The following IKBKB variants were observed in gnomAD, a reference collection of about 807,000 sequenced individuals.
The protein encoded by IKBKB is inhibitor of nuclear factor kappa-B kinase subunit beta.
In IKBKB, 42 loss-of-function variants were observed where a neutral mutation model predicts 113.6. The observed-to-expected ratio is 0.37, with a 90% CI of 0.29 to 0.48. IKBKB has a LOEUF of 0.48. Among genes scored for constraint, IKBKB ranks in the 20% least tolerant of loss-of-function variants. The pLI, the probability that IKBKB is intolerant of heterozygous loss-of-function variation, is 0.99. For synonymous variants in IKBKB, 296 were observed against 361.3 expected, an observed-to-expected ratio of 0.82 and a Z score of 2.05; for missense variants, 673 against 939.7, an observed-to-expected ratio of 0.72 and a Z score of 3.71.
chr8:42,284,311 A>G (rs1022177850), intron 2 of IKBKB, among the ~76,000 whole-genome samples: 2 of 152,160 alleles, frequency 1.3e-5, no homozygotes, highest in Admixed American at 1.3e-4. Context: ...GTCCTGGCGC[A>G]GTGGCTCACA....
Position 42,326,058 on chromosome 8 carries a change from C to T in IKBKB, c.2075C>T (p.Ser692Phe). 8 of 1,614,234 alleles carry T rather than the reference C, an allele frequency of 5.0e-6. No homozygotes were observed. The highest frequency in any genetic ancestry group is 6.8e-6 in the Non-Finnish European group (8 of 1,180,038). Residue 692 changes from serine (S) to phenylalanine (F), a missense_variant, in exon 20 of 22, where the codon TCC becomes TTC. This residue lies in a region of IKBKB where 506 missense variants were observed against 638.7 expected (regional missense o/e 0.79). Coordinates refer to ENST00000520810, the MANE Select transcript of IKBKB (RefSeq NM_001556.3). ...CCTGGGCAGCTGATGTCTCAGCCCTCCACGGCCTCCAACAGCTTACCTGAG... is the reference window on the plus strand; with the variant it reads ...CCTGGGCAGCTGATGTCTCAGCCCTTCACGGCCTCCAACAGCTTACCTGAG... ...SQPGQLMSQP[S>F]TASNSLPEPA...
rs1818222921 is a variant in IKBKB, at chr8:42,314,098, A to G, written c.693-224A>G. 3 of 537,390 alleles carry G rather than the reference A, an allele frequency of 5.6e-6. No homozygotes were observed. In the South Asian group the frequency reaches 6.6e-5, roughly 12 times the overall value. The allele number at this position is 537,390 out of a possible 1,614,324, so 33.3% of individuals were successfully genotyped here. On this transcript the variant is annotated intron_variant, in intron 8 of 21. Transcript: ENST00000520810. ...ATGTTTAGATACACCAATACTTACC[A>G]TTGTGTTACCCTGGCCTACAGTATT...
At position 42,327,458 on chromosome 8, in the gene IKBKB, C is replaced by T. The variant is rs552096820; in HGVS notation, c.2114+1361C>T. On this transcript the variant is annotated intron_variant, in intron 20 of 21. Transcript: ENST00000520810. ...AAGTGATTCTTCTGCCTCAGCCTCC[C>T]GAGTAGCTGGGACTACAGGTGCATG... is the stretch of plus-strand genomic sequence containing the variant. Among the ~76,000 whole-genome samples, 11 of 151,628 alleles carry T rather than the reference C, an allele frequency of 7.3e-5. No homozygotes were observed. In the East Asian group the frequency reaches 1.9e-3, roughly 27 times the overall value.
rs1446069169 is a variant in IKBKB, at chr8:42,322,141, A to C, written c.1826A>C (p.Tyr609Ser). Residue 609 changes from tyrosine (Y) to serine (S), a missense_variant, in exon 18 of 22, where the codon TAT becomes TCT. Transcript: ENST00000520810. ...TTCGAGAAGAAAGTGCGAGTGATCT[A>C]TACGCAGCTCAGGTATGAGCCCCGA... ...QSFEKKVRVI[Y>S]TQLSKTVVCK... 3.1e-6 allele frequency: 5 copies of C among 1,613,588 alleles called. No homozygotes were observed. In the South Asian group the frequency reaches 5.5e-5, roughly 18 times the overall value.
At chr8:42,277,923 A>G (rs999901504) in intron 2 of IKBKB, among the ~76,000 whole-genome samples, 3 of 152,242 alleles carry the variant, frequency 2.0e-5, no homozygotes, top group African/African-American at 4.8e-5. Context: ...ACAAATATTT[A>G]TCGAATGTCT....
chr8:42,306,225 G>A, intron 6 of IKBKB, 118 bp from the exon 7 acceptor site: 1 of 654,994 alleles, frequency 1.5e-6, no homozygotes, highest in East Asian at 2.9e-5. Context: ...AGGAGTTTGG[G>A]ATCTAATAGT....
chr8:42,315,484 G>T (rs960162982), intron 9 of IKBKB, among the ~76,000 whole-genome samples: 2 of 152,164 alleles, frequency 1.3e-5, no homozygotes, highest in African/African-American at 2.4e-5. Context: ...CCTCAGGGAA[G>T]GGTTTGAGTG....
intron 15 of IKBKB, 200 bp downstream of exon 15, chr8:42,319,846 G>A (rs1025020152): frequency 2.9e-5 from 16 of 545,952 alleles, no homozygotes; most frequent in Non-Finnish European, 4.5e-5. Flanking sequence ...CCAGATGCAA[G>A]AGCTGCATGA....
At position 42,320,910 on chromosome 8, in the gene IKBKB, T is replaced by C; in HGVS notation, c.1688+66T>C. ...CAGACAGCCCTGGAGCTTCGGTGTG[T>C]GTGTCAAGGGCACCCTCAGTGGCTG... On this transcript the variant is annotated intron_variant, in intron 16 of 21. Transcript: ENST00000520810. The C allele has an allele frequency of 2.9e-6, 3 of 1,026,296 alleles. No homozygotes were observed. The South Asian group carries it at 4.7e-5, about 16-fold the overall frequency. 63.6% of individuals were successfully genotyped at this position (1,026,296 alleles called of 1,614,324 possible).
At position 42,310,387 on chromosome 8, in the gene IKBKB, C is replaced by T. The variant is rs375962380; in HGVS notation, c.692+1362C>T. On this transcript the variant is annotated intron_variant, in intron 8 of 21. Transcript: ENST00000520810. ...TCTTCCAAGAATGTTTTCATATCTTCCAAGGTGTTCGTATCTTCCAGGGGT... is the reference window on the plus strand; with the variant it reads ...TCTTCCAAGAATGTTTTCATATCTTTCAAGGTGTTCGTATCTTCCAGGGGT... Among the ~76,000 whole-genome samples the T allele has an allele frequency of 6.6e-5, 10 of 152,282 alleles. No individual in the cohort carries two copies. In the East Asian group the frequency reaches 1.7e-3, roughly 26 times the overall value.
intron 16 of IKBKB, 68 bp from the exon 17 acceptor site, chr8:42,321,828 A>G (rs1455202644): frequency 8.4e-7 from 1 of 1,188,326 alleles, no homozygotes; most frequent in Non-Finnish European, 1.2e-6. Flanking sequence ...CTCTACCTCT[A>G]CCAAAAAAAT....
intron 2 of IKBKB, among the ~76,000 whole-genome samples, chr8:42,283,936 G>A (rs986439566): frequency 6.6e-6 from 1 of 152,172 alleles, no homozygotes. Flanking sequence ...GGTGGATGGA[G>A]GTGGATAGAT....
In IKBKB at chr8:42,316,675, A is replaced by G. The variant is rs1405874891; in HGVS notation, c.931-35A>G. 3.2e-6 allele frequency: 5 copies of G among 1,581,978 alleles called. No homozygotes were observed. Among genetic ancestry groups the G allele is most frequent in the East Asian group, 2.2e-5 (1 of 44,462 alleles). On this transcript the variant is annotated intron_variant, in intron 10 of 21. Coordinates refer to ENST00000520810, the MANE Select transcript of IKBKB (RefSeq NM_001556.3). This position sits in a 1 kb window ranked among gnomAD's most constrained non-coding sequence, Gnocchi z 4.5. Reference sequence around the variant, plus strand: ...AATAGATGGGCATTTCCTTGAAGAAATCGGTTTTCCAGTAACATCTGGGTT... The same window carrying G: ...AATAGATGGGCATTTCCTTGAAGAAGTCGGTTTTCCAGTAACATCTGGGTT...
At position 42,271,360 on chromosome 8, in the gene IKBKB, C is replaced by G. The variant is rs1441403251; in HGVS notation, c.-128C>G. On this transcript the variant is annotated 5_prime_UTR_variant, in exon 1 of 22. Transcript: ENST00000520810. ...GCGCCGCGCTGCCCGCGTTAAGATT[C>G]CCGCATTTTAATGTTTTCAGGGGGG... 2 of 1,442,290 alleles carry G rather than the reference C, an allele frequency of 1.4e-6. No homozygotes were observed. Among genetic ancestry groups the G allele is most frequent in the Non-Finnish European group, 1.9e-6 (2 of 1,062,342 alleles). 89.3% of individuals were successfully genotyped at this position (1,442,290 alleles called of 1,614,324 possible).
chr8:42,291,367 A>G (rs1812605730), intron 4 of IKBKB, among the ~76,000 whole-genome samples: 1 of 152,116 alleles, frequency 6.6e-6, no homozygotes, highest in African/African-American at 2.4e-5. Context: ...TTTTTAGTAG[A>G]GGCAGGGTTT....
chr8:42,274,898 A>G (rs1049145657), intron 2 of IKBKB, among the ~76,000 whole-genome samples: 5 of 134,154 alleles, frequency 3.7e-5, no homozygotes, highest in Non-Finnish European at 7.9e-5. Context: ...GTTTTTTGAG[A>G]TGGATTCTTG....
rs1377567643 is a variant in IKBKB, at chr8:42,322,425, T to G, written c.1917T>G (p.Asp639Glu). ...VEEVVSLMNEDEKTVVRLQEK... is the reference protein window; with the variant it reads ...VEEVVSLMNEEEKTVVRLQEK... ...AGGTGGTGAGCTTAATGAATGAGGA[T>G]GAGAAGACTGTTGTCCGGCTGCAGG... The change falls in exon 19 of 22, where the codon GAT becomes GAG. Residue 639 changes from aspartate (D) to glutamate (E), a missense_variant. Asp to Glu is a conservative substitution (Grantham distance 45). Transcript: ENST00000520810. 6.2e-7 allele frequency: 1 copy of G among 1,613,948 alleles called. No homozygotes were observed. Among genetic ancestry groups the G allele is most frequent in the South Asian group, 1.1e-5 (1 of 91,062 alleles).
rs1264454885 is a variant in IKBKB at position 42,331,649 on chromosome 8, G to C, written c.*670G>C. On this transcript the variant is annotated 3_prime_UTR_variant, in exon 22 of 22. Coordinates refer to ENST00000520810, the MANE Select transcript of IKBKB (RefSeq NM_001556.3). The stretch of plus-strand genomic sequence containing the variant: ...CCTCTTTTCGGCAAAGTTGGAGCGA[G>C]TGCCAAGCTCTCCATCTGTGGTCCT... 1 of 541,738 alleles carries C rather than the reference G, an allele frequency of 1.8e-6. No homozygotes were observed. The highest frequency in any genetic ancestry group is 3.3e-6 in the Non-Finnish European group (1 of 301,658). The allele number at this position is 541,738 out of a possible 1,614,324, so 33.6% of individuals were successfully genotyped here.
chr8:42,323,008 AG>A (rs1820048090), intron 19 of IKBKB, among the ~76,000 whole-genome samples: 1 of 152,144 alleles, frequency 6.6e-6, no homozygotes, highest in South Asian at 2.1e-4. Flanking sequence ...GCTCTTGGGG[AG>A]GGACTGTCCT....
Sources: gnomAD v4.1 joint callset for allele counts (sites outside exome capture counted in the v4.1 genomes callset) on GRCh38, gnomAD v4.1.1 for gene constraint, gnomAD v4.1.1 regional missense constraint, Gnocchi (gnomAD v3.1) non-coding constraint, MANE v1.5 for transcripts, NCBI Gene and HGNC (gene_info 2026-07-23, HGNC 2026-07-21) for gene names.